Variants in PTPRK observed in about 807,000 individuals in gnomAD.
PTPRK encodes receptor-type tyrosine-protein phosphatase kappa.
In PTPRK, 75 loss-of-function variants were observed where a neutral mutation model predicts 178.0. The observed-to-expected ratio is 0.42, with a 90% CI of 0.35 to 0.51. The LOEUF is 0.51. Among genes scored for constraint, PTPRK ranks in the 20% least tolerant of loss-of-function variants. PTPRK has a pLI of 0.02. For synonymous variants in PTPRK, 637 were observed against 620.6 expected (o/e 1.03, Z -0.39); for missense variants, 1,441 against 1,797.8 (o/e 0.80, Z 3.59).
intron 7 of PTPRK, among the ~76,000 whole-genome samples, chr6:128,127,976 T>C (rs1233902328): frequency 1.3e-5 from 2 of 152,208 alleles, no homozygotes; most frequent in African/African-American, 4.8e-5. Context: ...GTATTATTTA[T>C]ACTAATAAGG....
chr6:128,207,948 T>C (rs1807272502), intron 6 of PTPRK, among the ~76,000 whole-genome samples: 1 of 152,054 alleles, frequency 6.6e-6, no homozygotes, highest in Admixed American at 6.6e-5. Flanking sequence ...GTTTAATAAA[T>C]CAAAATGATC....
intron 6 of PTPRK, among the ~76,000 whole-genome samples, chr6:128,216,824 A>C (rs1357303463): frequency 6.6e-6 from 1 of 151,826 alleles, no homozygotes; most frequent in Non-Finnish European, 1.5e-5. Flanking sequence ...TAAAGGGAGC[A>C]CCTGGATAAA....
At chr6:128,452,123 C>T (rs896364973) in intron 1 of PTPRK, among the ~76,000 whole-genome samples, 6 of 152,180 alleles carry the variant, frequency 3.9e-5, no homozygotes, top group African/African-American at 1.4e-4. Context: ...CTCCTAAAGT[C>T]TCCAGCACTG....
rs1777001414 is a variant in PTPRK at position 127,995,152 on chromosome 6, A to G, written c.2844+310T>C. The G allele has an allele frequency of 1.1e-5, 13 of 1,232,922 alleles. No homozygotes were observed. The South Asian group carries it at 1.6e-4, about 15-fold the overall frequency. The allele number at this position is 1,232,922 out of a possible 1,614,324, so 76.4% of individuals were successfully genotyped here. A position where few individuals can be genotyped will look rare whatever the true frequency, so the allele number is the denominator to read the frequency against. On this transcript the variant is annotated intron_variant, in intron 18 of 29. Transcript: ENST00000368226. ...ATGAAGCTAATTAGGTGAAGCATGC[A>G]GAAATAACTAGTAGTAACAGAGCGT...
At chr6:128,110,404 T>A (rs555061216) in intron 7 of PTPRK, among the ~76,000 whole-genome samples, 1 of 152,240 alleles carries the variant, frequency 6.6e-6, no homozygotes, top group East Asian at 1.9e-4. Flanking sequence ...CTTTTGGAAG[T>A]AGTAGCCGAC....
chr6:128,024,898 T>C (rs1774061829), intron 13 of PTPRK, among the ~76,000 whole-genome samples: 1 of 152,152 alleles, frequency 6.6e-6, no homozygotes, highest in Admixed American at 6.5e-5. Context: ...TTCAGGATCA[T>C]TAGATTTTTC....
intron 29 of PTPRK, among the ~76,000 whole-genome samples, chr6:127,971,529 C>G (rs183205186): frequency 8.5e-5 from 13 of 152,206 alleles, no homozygotes; most frequent in Admixed American, 8.5e-4. Context: ...TAAGCAGTCT[C>G]CAGCAATATT....
chr6:128,163,497 G>T (rs986198836), intron 7 of PTPRK, among the ~76,000 whole-genome samples: 6 of 151,316 alleles, frequency 4.0e-5, no homozygotes, highest in African/African-American at 1.5e-4. Flanking sequence ...CATGGTGGCA[G>T]ATAAAATGGA....
intron 7 of PTPRK, among the ~76,000 whole-genome samples, chr6:128,179,781 C>T (rs2114679590): frequency 6.6e-6 from 1 of 152,068 alleles, no homozygotes; most frequent in South Asian, 2.1e-4. Flanking sequence ...GCTGATGATG[C>T]TATAGACTAA....
chr6:128,063,820 C>T (rs1781287909), intron 13 of PTPRK, among the ~76,000 whole-genome samples: 1 of 152,054 alleles, frequency 6.6e-6, no homozygotes, highest in South Asian at 2.1e-4. Flanking sequence ...GAGTAAAGCA[C>T]AAATGCTGAT....
intron 1 of PTPRK, among the ~76,000 whole-genome samples, chr6:128,438,009 G>C (rs1246054016): frequency 6.6e-6 from 1 of 152,212 alleles, no homozygotes; most frequent in Non-Finnish European, 1.5e-5. Context: ...CATCCGAAAA[G>C]TTGCTTCTCC....
intron 13 of PTPRK, among the ~76,000 whole-genome samples, chr6:128,028,499 C>T (rs1774711161): frequency 6.6e-6 from 1 of 152,218 alleles, no homozygotes; most frequent in East Asian, 1.9e-4. Flanking sequence ...TCAGTATATT[C>T]TTGAACACTG....
chr6:128,005,339 T>A (rs1778296648), intron 14 of PTPRK, 95 bp from the exon 15 acceptor site: 2 of 1,250,786 alleles, frequency 1.6e-6, no homozygotes, highest in East Asian at 4.9e-5. Flanking sequence ...CCGAGGATAA[T>A]GTTACAAACA....
intron 2 of PTPRK, among the ~76,000 whole-genome samples, chr6:128,391,494 T>C (rs1205184040): frequency 1.3e-5 from 2 of 152,164 alleles, no homozygotes; most frequent in East Asian, 3.8e-4. Flanking sequence ...CAATACTACA[T>C]GCACAGAACT....
chr6:128,049,040 A>C (rs1239355240), intron 13 of PTPRK, among the ~76,000 whole-genome samples: 1 of 152,214 alleles, frequency 6.6e-6, no homozygotes, highest in African/African-American at 2.4e-5. Flanking sequence ...GAAATCAAAA[A>C]ATGGCTCATG....
intron 2 of PTPRK, among the ~76,000 whole-genome samples, chr6:128,377,218 G>GA (rs940383376): frequency 1.4e-4 from 22 of 152,170 alleles, no homozygotes; most frequent in African/African-American, 5.1e-4. Flanking sequence ...ATTTATGCAG[G>GA]AAAAAGGGTT....
intron 7 of PTPRK, among the ~76,000 whole-genome samples, chr6:128,167,290 T>G (rs1402346978): frequency 6.6e-6 from 1 of 151,860 alleles, no homozygotes; most frequent in African/African-American, 2.4e-5. Context: ...ACAAACAAAA[T>G]AAATCTTAAA....
At chr6:128,509,378 A>T (rs1214988007) in intron 1 of PTPRK, among the ~76,000 whole-genome samples, 1 of 152,206 alleles carries the variant, frequency 6.6e-6, no homozygotes, top group Non-Finnish European at 1.5e-5. Context: ...CATTATTCAC[A>T]AGAACCATGC....
chr6:128,204,103 A>G (rs1057078581), intron 6 of PTPRK, among the ~76,000 whole-genome samples: 1 of 152,100 alleles, frequency 6.6e-6, no homozygotes, highest in Non-Finnish European at 1.5e-5. Context: ...CAGAATAGAG[A>G]ATTCAAAAAT....
Sources: gnomAD v4.1 joint callset for allele counts (sites outside exome capture counted in the v4.1 genomes callset) on GRCh38, gnomAD v4.1.1 for gene constraint, MANE v1.5 for transcripts, NCBI Gene and HGNC (gene_info 2026-07-23, HGNC 2026-07-21) for gene names.